Variants in CHIA observed in about 807,000 individuals in gnomAD.
CHIA encodes acidic mammalian chitinase.
In CHIA, 47 loss-of-function variants were observed where a neutral mutation model predicts 53.5. The ratio of observed to expected loss-of-function variants is 0.88; its 90% CI spans 0.70 to 1.12. The LOEUF (loss-of-function observed/expected upper bound fraction) is 1.12. Ranked by LOEUF, CHIA falls within the 50% of genes most tolerant of loss-of-function variation. The pLI, the probability that CHIA is intolerant of heterozygous loss-of-function variation, is 0.00. For synonymous variants in CHIA, 268 were observed against 222.2 expected, an observed-to-expected ratio of 1.21 and a Z score of -1.83; for missense variants, 652 against 592.2, an observed-to-expected ratio of 1.10 and a Z score of -1.05.
intron 1 of CHIA, among the ~76,000 whole-genome samples, chr1:111,297,136 G>C (rs1647230757): frequency 6.6e-6 from 1 of 152,222 alleles, no homozygotes; most frequent in African/African-American, 2.4e-5. Context: ...ATGGAACCAT[G>C]TTGGAAAACA....
chr1:111,318,584 G>A lies in CHIA; in HGVS notation c.821G>A (p.Ser274Asn). ...ACCTATGGACACAACTTCATCCTGAGCAACCCCTCCAACACTGGAATTGGT... is the reference window on the plus strand; with the variant it reads ...ACCTATGGACACAACTTCATCCTGAACAACCCCTCCAACACTGGAATTGGT... The part of the protein sequence containing the change: ...FPTYGHNFIL[S>N]NPSNTGIGAP... Residue 274 changes from serine to asparagine, a missense_variant, in exon 9 of 12, where the codon AGC (serine) becomes AAC (asparagine). Coordinates refer to ENST00000369740, the MANE Select transcript of CHIA (RefSeq NM_201653.4). 6.2e-7 allele frequency: 1 copy of A among 1,614,208 alleles called. No homozygotes were observed. Among genetic ancestry groups the A allele is most frequent in the Non-Finnish European group, 8.5e-7 (1 of 1,180,036 alleles).
chr1:111,298,521 A>T (rs536685038), intron 1 of CHIA, among the ~76,000 whole-genome samples: 1 of 152,324 alleles, frequency 6.6e-6, no homozygotes, highest in African/African-American at 2.4e-5. Context: ...ATGAAGGCAG[A>T]TATAAAGATG....
intron 1 of CHIA, among the ~76,000 whole-genome samples, chr1:111,292,128 G>T (rs929657164): frequency 6.6e-6 from 1 of 152,054 alleles, no homozygotes; most frequent in Non-Finnish European, 1.5e-5. Context: ...GCTATCCAAG[G>T]ACTTGAGGTC....
chr1:111,309,391 T>C (rs1359213580), intron 1 of CHIA, among the ~76,000 whole-genome samples: 1 of 152,238 alleles, frequency 6.6e-6, no homozygotes, highest in African/African-American at 2.4e-5. Context: ...ACTGCATTCC[T>C]GGTATTGTCA....
intron 1 of CHIA, among the ~76,000 whole-genome samples, chr1:111,295,029 T>C (rs540628087): frequency 6.6e-6 from 1 of 152,240 alleles, no homozygotes; most frequent in Non-Finnish European, 1.5e-5. Context: ...ATTACAGTAA[T>C]GCTGGACATA....
intron 4 of CHIA, among the ~76,000 whole-genome samples, chr1:111,313,424 C>T (rs1648871150): frequency 1.3e-5 from 2 of 152,138 alleles, no homozygotes; most frequent in Non-Finnish European, 2.9e-5. Context: ...TTTTTATACA[C>T]TTGTTGACCA....
At position 111,315,151 on chromosome 1, in the gene CHIA, C is replaced by T. The variant is rs572392336; in HGVS notation, c.315-119C>T. 2.1e-5 allele frequency: 15 copies of T among 710,218 alleles called. No homozygotes were observed. In the African/African-American group the frequency reaches 2.3e-4, roughly 11 times the overall value. 44.0% of individuals were successfully genotyped at this position (710,218 alleles called of 1,614,324 possible). The stretch of plus-strand genomic sequence containing the variant: ...AGGAGAGGAGAAAACCAAGAACATG[C>T]TTTACTCTGGGCTGTGGGTCCTGAT... On this transcript the variant is annotated intron_variant, in intron 5 of 11. Coordinates refer to ENST00000369740, the MANE Select transcript of CHIA (RefSeq NM_201653.4).
At chr1:111,301,726 A>AT in intron 1 of CHIA, among the ~76,000 whole-genome samples, 1 of 149,390 alleles carries the variant, frequency 6.7e-6, no homozygotes, top group South Asian at 2.1e-4. Context: ...AAAAAAAAAA[A>AT]GATGAGTTCC....
chr1:111,315,561 A>G, intron 6 of CHIA, 126 bp downstream of exon 6: 1 of 985,212 alleles, frequency 1.0e-6, no homozygotes, highest in Non-Finnish European at 1.5e-6. Flanking sequence ...CATTGCAAAG[A>G]GTCTTATATA....
At chr1:111,300,786 G>C (rs1647659795) in intron 1 of CHIA, among the ~76,000 whole-genome samples, 1 of 152,164 alleles carries the variant, frequency 6.6e-6, no homozygotes, top group Non-Finnish European at 1.5e-5. Context: ...CTATCAGAGT[G>C]AAAGGGCAAC....
chr1:111,308,390 C>T (rs999059725), intron 1 of CHIA, among the ~76,000 whole-genome samples: 4 of 152,202 alleles, frequency 2.6e-5, no homozygotes, highest in African/African-American at 9.7e-5. Flanking sequence ...AAATGCCTCA[C>T]TCAGTTTAAC....
chr1:111,303,022 T>C (rs997052832), intron 1 of CHIA, among the ~76,000 whole-genome samples: 1 of 152,260 alleles, frequency 6.6e-6, no homozygotes, highest in East Asian at 1.9e-4. Flanking sequence ...TTGTCTCTTG[T>C]ACATTTTTTA....
chr1:111,294,496 T>A (rs1296376165), intron 1 of CHIA, among the ~76,000 whole-genome samples: 1 of 152,198 alleles, frequency 6.6e-6, no homozygotes, highest in Non-Finnish European at 1.5e-5. Flanking sequence ...AGACCACATC[T>A]GCAGGGACAA....
At chr1:111,311,537 T>G (rs1648671763) in intron 2 of CHIA, 152 bp from the exon 3 acceptor site, 4 of 799,422 alleles carry the variant, frequency 5.0e-6, no homozygotes, top group Non-Finnish European at 8.5e-6. Context: ...AGATCTACTG[T>G]TGTATTCACT....
intron 1 of CHIA, among the ~76,000 whole-genome samples, chr1:111,300,610 A>T (rs1647642674): frequency 6.6e-6 from 1 of 152,328 alleles, no homozygotes; most frequent in Middle Eastern, 3.4e-3. Flanking sequence ...TAAATATTAG[A>T]CTTAAAACCA....
At chr1:111,313,544 T>A (rs376136619) in intron 4 of CHIA, among the ~76,000 whole-genome samples, 7 of 152,200 alleles carry the variant, frequency 4.6e-5, no homozygotes, top group African/African-American at 1.7e-4. Context: ...ATATTTTTGA[T>A]ACTAACTAAC....
intron 7 of CHIA, 27 bp downstream of exon 7, chr1:111,317,832 T>A: frequency 6.2e-7 from 1 of 1,613,688 alleles, no homozygotes; most frequent in Admixed American, 1.7e-5. Context: ...ATCTTCAAAC[T>A]CCTGGAGGTG....
intron 5 of CHIA, 35 bp downstream of exon 5, chr1:111,314,631 C>T (rs1485669587): frequency 1.1e-5 from 17 of 1,540,280 alleles, no homozygotes; most frequent in Non-Finnish European, 1.4e-5. Context: ...TGTTCGTTTG[C>T]TATGGAAAAC....
At chr1:111,302,737 A>G (rs965582522) in intron 1 of CHIA, among the ~76,000 whole-genome samples, 5 of 152,140 alleles carry the variant, frequency 3.3e-5, no homozygotes, top group Admixed American at 6.5e-5. Context: ...TGTTAGGTAG[A>G]GTATTCTGTA....
Sources: allele counts gnomAD v4.1 joint callset (sites outside exome capture counted in the v4.1 genomes callset), GRCh38; gene constraint gnomAD v4.1.1; transcripts MANE v1.5; gene names NCBI Gene and HGNC (gene_info 2026-07-23, HGNC 2026-07-21).